DMXL1: variants seen among roughly 807,000 people sequenced by gnomAD.
The protein encoded by DMXL1 is dmX-like protein 1.
In DMXL1, 99 loss-of-function variants were observed where a neutral mutation model predicts 319.2. That is an observed-to-expected ratio of 0.31 (90% CI 0.26 to 0.37). The LOEUF (loss-of-function observed/expected upper bound fraction) is 0.37, where lower values mean the gene tolerates loss of function less well. Among genes scored for constraint, DMXL1 ranks in the 10% least tolerant of loss-of-function variants. The pLI, the probability that DMXL1 is intolerant of heterozygous loss-of-function variation, is 1.00. For synonymous variants in DMXL1, 1,385 were observed against 1,235.2 expected (o/e 1.12, Z -2.54); for missense variants, 3,745 against 3,595.6 (o/e 1.04, Z -1.06).
rs1015841792 is a variant in DMXL1, at chr5:119,133,529, C to T, written c.1605C>T (p.Pro535=). The T allele has an allele frequency of 1.9e-6, 3 of 1,612,424 alleles. No homozygotes were observed. Among genetic ancestry groups the T allele is most frequent in the Non-Finnish European group, 2.5e-6 (3 of 1,179,460 alleles). Residue 535 remains proline (P), a synonymous_variant, in exon 12 of 44, where the codon CCC becomes CCT. Coordinates refer to ENST00000539542, the MANE Select transcript of DMXL1 (RefSeq NM_001290321.3). ...SFVSRIPVAF[P]TGDANSLCKS... Reference sequence around the variant, plus strand: ...TTTCCAGAATTCCAGTAGCTTTCCCCACAGGTGATGCAAACTCTCTCTGTA... The same window carrying T: ...TTTCCAGAATTCCAGTAGCTTTCCCTACAGGTGATGCAAACTCTCTCTGTA...
At chr5:119,089,023 G>T (rs2149728114) in intron 1 of DMXL1, among the ~76,000 whole-genome samples, 1 of 151,056 alleles carries the variant, frequency 6.6e-6, no homozygotes, top group Non-Finnish European at 1.5e-5. Context: ...TTAATTTCAT[G>T]TTGAAGAACT....
Position 119,189,777 on chromosome 5 carries a change from A to C in DMXL1, c.7205A>C (p.Glu2402Ala), listed in dbSNP as rs146331228. 5.0e-4 allele frequency: 807 copies of C among 1,614,140 alleles called. 10 individuals carry two copies. The South Asian group carries it at 7.2e-3, about 14-fold the overall frequency. Residue 2402 changes from glutamate (E) to alanine (A), a missense_variant, in exon 29 of 44, where the codon GAA becomes GCA. By Grantham distance (107) the Glu-to-Ala change is moderately radical. This residue lies in a region of DMXL1 where 1,382 missense variants were observed against 1,269.5 expected (regional missense o/e 1.09). Transcript: ENST00000539542. Reference protein sequence around the residue: ...RFRPSKMSCRESAPLTPSSAP... With the variant: ...RFRPSKMSCRASAPLTPSSAP... ...AGGCCGTCAAAAATGTCTTGCAGAG[A>C]ATCTGCCCCACTGACCCCTTCCTCG...
intron 3 of DMXL1, among the ~76,000 whole-genome samples, chr5:119,103,941 A>T (rs1334867716): frequency 1.3e-5 from 2 of 152,220 alleles, no homozygotes; most frequent in Non-Finnish European, 2.9e-5. Flanking sequence ...AGGCTGGTTT[A>T]TTGGCTTATC....
intron 38 of DMXL1, among the ~76,000 whole-genome samples, chr5:119,229,488 T>TG (rs1329030808): frequency 6.6e-6 from 1 of 152,134 alleles, no homozygotes; most frequent in Non-Finnish European, 1.5e-5. Context: ...CATAAAATTA[T>TG]TTTTCCAAAT....
At chr5:119,109,090 C>T (rs1017479450) in intron 4 of DMXL1, among the ~76,000 whole-genome samples, 4 of 152,074 alleles carry the variant, frequency 2.6e-5, no homozygotes, top group African/African-American at 7.2e-5. Flanking sequence ...TGTGAGCCAC[C>T]GTGCCTGGCC....
At chr5:119,232,386 T>C (rs1332284177) in intron 38 of DMXL1, among the ~76,000 whole-genome samples, 1 of 152,200 alleles carries the variant, frequency 6.6e-6, no homozygotes. Context: ...TTGACTGATA[T>C]GTGACTAGCA....
rs769661786 is a variant in DMXL1 at position 119,121,089 on chromosome 5, C to G, written c.1052C>G (p.Ala351Gly). 7.5e-6 allele frequency: 12 copies of G among 1,610,526 alleles called. No homozygotes were observed. The highest frequency in any genetic ancestry group is 1.7e-5 in the Admixed American group (1 of 58,824). ...GTTCACAGGAACACTCCACTGCATGCCAATGCACTTTGCCACTTTCATATT... is the reference window on the plus strand; with the variant it reads ...GTTCACAGGAACACTCCACTGCATGGCAATGCACTTTGCCACTTTCATATT... ...HHVHRNTPLH[A>G]NALCHFHIAA... Residue 351 changes from alanine (A) to glycine (G), a missense_variant, in exon 9 of 44, where the codon GCC becomes GGC. Physicochemically the swap from Ala to Gly is moderately conservative, Grantham distance 60. Around this residue, in one of 4 missense-constraint regions of DMXL1, gnomAD observed 2,096 missense variants for 1,985.4 expected, o/e 1.06. Transcript: ENST00000539542.
At chr5:119,108,923 T>C (rs910134468) in intron 4 of DMXL1, among the ~76,000 whole-genome samples, 13 of 152,222 alleles carry the variant, frequency 8.5e-5, no homozygotes, top group African/African-American at 2.6e-4. Context: ...TGCCTCAGCC[T>C]CCTGAGTAGC....
At chr5:119,155,785 C>G (rs111599404) in intron 19 of DMXL1, among the ~76,000 whole-genome samples, 4,073 of 148,538 alleles carry the variant, frequency 0.027, 172 homozygotes, top group African/African-American at 0.095. Flanking sequence ...TATGATCACA[C>G]CACTGCACTC....
At chr5:119,108,712 A>G (rs1385522502) in intron 4 of DMXL1, among the ~76,000 whole-genome samples, 2 of 150,886 alleles carry the variant, frequency 1.3e-5, no homozygotes, top group East Asian at 4.0e-4. Flanking sequence ...GAGCCACTGC[A>G]CCCAGCCTTG....
intron 13 of DMXL1, among the ~76,000 whole-genome samples, chr5:119,140,434 C>T (rs561127634): frequency 6.6e-6 from 1 of 152,134 alleles, no homozygotes; most frequent in Non-Finnish European, 1.5e-5. Context: ...ATGTTAACCA[C>T]TGACTCTACA....
In DMXL1 at chr5:119,071,359, TCGCCGACC is replaced by T. The variant is rs894961524; in HGVS notation, c.-206_-199del. On this transcript the variant is annotated 5_prime_UTR_variant, in exon 1 of 44. Coordinates refer to ENST00000539542, the MANE Select transcript of DMXL1 (RefSeq NM_001290321.3). ...CGAAGGAGCGCGGCGCTCCGCCCTC[TCGCCGACC>T]CGCCCCCTCCGGGCCTCGCCCTCCG... The T allele has an allele frequency of 6.9e-5, 38 of 549,684 alleles. No individual in the cohort carries two copies. Among genetic ancestry groups the T allele is most frequent in the Non-Finnish European group, 1.1e-4 (35 of 314,382 alleles). The allele number at this position is 549,684 out of a possible 1,614,324, so 34.1% of individuals were successfully genotyped here.
At chr5:119,147,566 C>A in intron 17 of DMXL1, 96 bp downstream of exon 17, 1 of 774,836 alleles carries the variant, frequency 1.3e-6, no homozygotes, top group Non-Finnish European at 2.1e-6. Context: ...TAAATCCACA[C>A]AGAACTAGAA....
chr5:119,086,019 G>C (rs1012372275), intron 1 of DMXL1, among the ~76,000 whole-genome samples: 2 of 152,130 alleles, frequency 1.3e-5, no homozygotes, highest in African/African-American at 4.8e-5. Context: ...GTCTCTTCAT[G>C]CTGCTGATAA....
chr5:119,155,826 C>CA (rs35851317), intron 19 of DMXL1, among the ~76,000 whole-genome samples: 10,706 of 84,470 alleles, frequency 0.13, 1,237 homozygotes, highest in African/African-American at 0.36. Flanking sequence ...GACCCTGTCT[C>CA]AAAAAAAAAA....
intron 19 of DMXL1, 70 bp from the exon 20 acceptor site, chr5:119,164,437 A>T (rs909777550): frequency 5.6e-5 from 75 of 1,341,110 alleles, no homozygotes; most frequent in Non-Finnish European, 7.3e-5. Flanking sequence ...AAAATATGGA[A>T]CATACATTTC....
intron 1 of DMXL1, among the ~76,000 whole-genome samples, chr5:119,096,418 C>T (rs981778784): frequency 3.9e-5 from 6 of 152,146 alleles, no homozygotes; most frequent in South Asian, 2.1e-4. Context: ...TCAGGTGATC[C>T]GCCTGCCTCA....
chr5:119,212,981 A>G (rs1294004541), intron 34 of DMXL1, among the ~76,000 whole-genome samples: 1 of 152,056 alleles, frequency 6.6e-6, no homozygotes, highest in African/African-American at 2.4e-5. Context: ...TCTTAAACCC[A>G]ACTTTTTGTC....
rs758476523 is a variant in DMXL1 at position 119,129,360 on chromosome 5, G to C, written c.1252G>C (p.Glu418Gln). The change falls in exon 10 of 44, where the codon GAA becomes CAA. Residue 418 changes from glutamate (E) to glutamine (Q), a missense_variant. Physicochemically the swap from Glu to Gln is conservative, Grantham distance 29. This residue lies in a region of DMXL1 where 2,096 missense variants were observed against 1,985.4 expected (regional missense o/e 1.06). Coordinates refer to ENST00000539542, the MANE Select transcript of DMXL1 (RefSeq NM_001290321.3). The part of the protein sequence containing the change: ...VFLQQLRKSF[E>Q]QPSSEASVED... ...TTTACAGCAACTTAGAAAAAGTTTT[G>C]AACAACCATCTTCTGAGGCCAGTGT... 6.2e-7 allele frequency: 1 copy of C among 1,613,696 alleles called. No individual in the cohort carries two copies. The highest frequency in any genetic ancestry group is 2.2e-5 in the East Asian group (1 of 44,790).
Sources: allele counts gnomAD v4.1 joint callset (sites outside exome capture counted in the v4.1 genomes callset), GRCh38; gene constraint gnomAD v4.1.1; regional missense constraint gnomAD v4.1.1; transcripts MANE v1.5; gene names NCBI Gene and HGNC (gene_info 2026-07-23, HGNC 2026-07-21).